Variants in ADGRB1 observed in about 807,000 individuals in gnomAD.
The protein encoded by ADGRB1 is adhesion G protein-coupled receptor B1.
In ADGRB1, 36 loss-of-function variants were observed where a neutral mutation model predicts 175.7. The ratio of observed to expected loss-of-function variants is 0.20; its 90% CI spans 0.16 to 0.27. The LOEUF (loss-of-function observed/expected upper bound fraction) is 0.27, where lower values mean the gene tolerates loss of function less well. Among genes scored for constraint, ADGRB1 ranks in the 10% least tolerant of loss-of-function variants. ADGRB1 has a pLI of 1.00. For missense variants in ADGRB1, 1,731 were observed against 2,255.3 expected (o/e 0.77, Z 4.71); for synonymous variants, 1,054 against 979.4 (o/e 1.08, Z -1.42).
At chr8:142,476,972 G>A in intron 4 of ADGRB1, 142 bp from the exon 5 acceptor site, 1 of 1,231,276 alleles carries the variant, frequency 8.1e-7, no homozygotes, top group East Asian at 2.7e-5. Context: ...CTTGAGATCA[G>A]CCTGGTTCGA....
intron 13 of ADGRB1, among the ~76,000 whole-genome samples, chr8:142,485,949 A>T (rs1225704208): frequency 6.6e-6 from 1 of 152,202 alleles, no homozygotes; most frequent in East Asian, 1.9e-4. Context: ...CAGAGCAAGT[A>T]TGCCCGCTGA....
In ADGRB1 at chr8:142,460,183, G is replaced by A. The variant is rs192828888; in HGVS notation, c.-219-3797G>A. Among the ~76,000 whole-genome samples the A allele has an allele frequency of 3.8e-4, 58 of 152,356 alleles. 1 individual carries two copies. The East Asian group carries it at 6.0e-3, about 16-fold the overall frequency. On this transcript the variant is annotated intron_variant, in intron 1 of 30. Coordinates refer to ENST00000517894, the MANE Select transcript of ADGRB1 (RefSeq NM_001702.3). ...TGTGAGAAGGCTCCGGGGTGGCCCC[G>A]TTGGAGGGTGGCGGGCAGGTGGGGT...
intron 24 of ADGRB1, among the ~76,000 whole-genome samples, chr8:142,532,637 G>A (rs879754419): frequency 3.9e-5 from 6 of 152,124 alleles, no homozygotes; most frequent in East Asian, 3.9e-4. Flanking sequence ...GGCCTTGGCC[G>A]TCTGTCTGTC....
rs979667983 is a variant in ADGRB1, at chr8:142,461,125, G to A, written c.-219-2855G>A. Among the ~76,000 whole-genome samples the A allele has an allele frequency of 3.9e-5, 6 of 152,316 alleles. No individual in the cohort carries two copies. The South Asian group carries it at 1.0e-3, about 26-fold the overall frequency. On this transcript the variant is annotated intron_variant, in intron 1 of 30. Coordinates refer to ENST00000517894, the MANE Select transcript of ADGRB1 (RefSeq NM_001702.3). ...GGGACAGTGGCAGGGGTAGGCCCTC[G>A]TCCACCTGCTCTGGGGCCATGCTGG...
chr8:142,541,227 T>C (rs2132281203), intron 27 of ADGRB1, among the ~76,000 whole-genome samples: 1 of 152,108 alleles, frequency 6.6e-6, no homozygotes, highest in East Asian at 1.9e-4. Flanking sequence ...CAGAGTCAGC[T>C]TGGGGTTCTC....
chr8:142,525,129 G>C (rs948817763), intron 23 of ADGRB1, among the ~76,000 whole-genome samples: 1 of 152,100 alleles, frequency 6.6e-6, no homozygotes, highest in Admixed American at 6.5e-5. Context: ...GTGCATGAGG[G>C]GTGATGGGGA....
At chr8:142,541,318 C>T (rs1038508727) in intron 27 of ADGRB1, among the ~76,000 whole-genome samples, 1 of 152,120 alleles carries the variant, frequency 6.6e-6, no homozygotes. Flanking sequence ...GGCGGCTGGG[C>T]CCCTTGCAAC....
chr8:142,465,706 G>A (rs552574232), intron 2 of ADGRB1, among the ~76,000 whole-genome samples: 25 of 152,286 alleles, frequency 1.6e-4, no homozygotes, highest in East Asian at 5.8e-4. Context: ...CACTAGAACC[G>A]GGCAGGGCTG....
rs1842768795 is a variant in ADGRB1 at position 142,504,592 on chromosome 8, G to A, written c.2676-6340G>A. On this transcript the variant is annotated intron_variant, in intron 17 of 30. Transcript: ENST00000517894. The surrounding 1 kb of genome is among the most constrained non-coding windows in gnomAD (Gnocchi z 5.6). ...ATGCCCAGGAGCTCATGGAAGGGCA[G>A]GGGGGAAGTCTGGTTATCCAGGTAG... Among the ~76,000 whole-genome samples the A allele has an allele frequency of 6.6e-6, 1 of 152,100 alleles. No individual in the cohort carries two copies. Among genetic ancestry groups the A allele is most frequent in the African/African-American group, 2.4e-5 (1 of 41,376 alleles).
At chr8:142,484,566 T>TA in intron 12 of ADGRB1, 90 bp from the exon 13 acceptor site, 2 of 1,294,916 alleles carry the variant, frequency 1.5e-6, no homozygotes, top group Non-Finnish European at 2.1e-6. Flanking sequence ...AAATGGCCAA[T>TA]AAGAAAAGGA....
rs376379604 is a variant in ADGRB1 at position 142,455,150 on chromosome 8, C to T, written c.-220+5046C>T. Among the ~76,000 whole-genome samples, 10 of 150,154 alleles carry T rather than the reference C, an allele frequency of 6.7e-5. No homozygotes were observed. Among genetic ancestry groups the T allele is most frequent in the South Asian group, 4.3e-4 (2 of 4,668 alleles). ...CCATTGCCCCCGAGGCTACCTCAGCCGCACCCTGCCGCCGGCACCACACTG... is the reference window on the plus strand; with the variant it reads ...CCATTGCCCCCGAGGCTACCTCAGCTGCACCCTGCCGCCGGCACCACACTG... On this transcript the variant is annotated intron_variant, in intron 1 of 30. Coordinates refer to ENST00000517894, the MANE Select transcript of ADGRB1 (RefSeq NM_001702.3). This position sits in a 1 kb window ranked among gnomAD's most constrained non-coding sequence, Gnocchi z 4.9.
chr8:142,507,977 G>T (rs967567730), intron 17 of ADGRB1, among the ~76,000 whole-genome samples: 5 of 151,920 alleles, frequency 3.3e-5, no homozygotes, highest in Admixed American at 3.3e-4. Context: ...GGGCCCTCTC[G>T]GTGGGAGATG....
In ADGRB1 at chr8:142,484,701, G is replaced by C; in HGVS notation, c.2245G>C (p.Val749Leu). Residue 749 changes from valine (V) to leucine (L), a missense_variant, in exon 13 of 31, where the codon GTG (valine) becomes CTG (leucine). Around this residue, in one of 8 missense-constraint regions of ADGRB1, gnomAD observed 388 missense variants for 630.9 expected, o/e 0.61. Transcript: ENST00000517894. ...GCTGTTCCGGCTGGTGGAGGACTTT[G>C]TGGACGTCATCGGCTTCCGCATGAA... ...KELFRLVEDF[V>L]DVIGFRMKDL... The C allele has an allele frequency of 6.2e-7, 1 of 1,612,274 alleles. No individual in the cohort carries two copies. Among genetic ancestry groups the C allele is most frequent in the South Asian group, 1.1e-5 (1 of 90,616 alleles).
chr8:142,507,568 C>T (rs1842905833), intron 17 of ADGRB1, among the ~76,000 whole-genome samples: 1 of 152,226 alleles, frequency 6.6e-6, no homozygotes, highest in African/African-American at 2.4e-5. Flanking sequence ...AGCAGGAGCC[C>T]TGGGGGCCGG....
intron 24 of ADGRB1, among the ~76,000 whole-genome samples, chr8:142,527,979 C>T (rs1475379519): frequency 6.6e-6 from 1 of 152,236 alleles, no homozygotes; most frequent in East Asian, 1.9e-4. Flanking sequence ...CTGTGTGTGC[C>T]ACGGGGGCCA....
chr8:142,452,925 C>A (rs961472701), intron 1 of ADGRB1, among the ~76,000 whole-genome samples: 18 of 147,918 alleles, frequency 1.2e-4, no homozygotes, highest in Middle Eastern at 3.4e-3. Context: ...GAGAGGGCGC[C>A]CGCACCGCGC....
chr8:142,465,020 TGGGCAGACAGGGGAGGC>T (rs540090324), intron 2 of ADGRB1, 38 bp downstream of exon 2: 211,824 of 948,668 alleles, frequency 0.22, 20,643 homozygotes, highest in East Asian at 0.47. Flanking sequence ...ACAGGGGAGG[TGGGCAGACAGGGGAGGC>T]GGGCAGACAG....
At chr8:142,475,802 GCGGGGCCGGGGC>G (rs1199883836) in intron 3 of ADGRB1, among the ~76,000 whole-genome samples, 167 bp downstream of exon 3, 1 of 149,012 alleles carries the variant, frequency 6.7e-6, no homozygotes, top group East Asian at 2.0e-4. Context: ...CCAGGTAGGG[GCGGGGCCGGGGC>G]CGGGGCCTGG....
At position 142,492,263 on chromosome 8, in the gene ADGRB1, C is replaced by T. The variant is rs1354843488; in HGVS notation, c.2675+1448C>T. On this transcript the variant is annotated intron_variant, in intron 17 of 30. Transcript: ENST00000517894. The surrounding 1 kb of genome is among the most constrained non-coding windows in gnomAD (Gnocchi z 4.4). ...CTTTAATCCATCCGCCCATCGCCCA[C>T]TGCTCACCACCCTTCCTCCGGCGGT... Among the ~76,000 whole-genome samples the T allele has an allele frequency of 2.6e-5, 4 of 152,194 alleles. No individual in the cohort carries two copies. Among genetic ancestry groups the T allele is most frequent in the African/African-American group, 9.7e-5 (4 of 41,442 alleles).
Sources: allele counts gnomAD v4.1 joint callset (sites outside exome capture counted in the v4.1 genomes callset), GRCh38; gene constraint gnomAD v4.1.1; regional missense constraint gnomAD v4.1.1; non-coding constraint Gnocchi (gnomAD v3.1); transcripts MANE v1.5; gene names NCBI Gene and HGNC (gene_info 2026-07-23, HGNC 2026-07-21).